Variants in ATP8B1 observed in about 807,000 individuals in gnomAD.
ATP8B1 encodes phospholipid-transporting ATPase IC.
In ATP8B1, 80 loss-of-function variants were observed where a neutral mutation model predicts 149.9. The observed-to-expected ratio is 0.53, with a 90% CI of 0.45 to 0.64. The LOEUF (loss-of-function observed/expected upper bound fraction) is 0.64, where lower values mean the gene tolerates loss of function less well. ATP8B1 is among the 30% of genes least tolerant of loss of function. The pLI is 0.00. For missense variants in ATP8B1, 1,247 were observed against 1,552.6 expected (o/e 0.80, Z 3.31); for synonymous variants, 536 against 562.8 (o/e 0.95, Z 0.67).
intron 2 of ATP8B1, among the ~76,000 whole-genome samples, chr18:57,719,498 C>T (rs750645372): frequency 2.6e-5 from 4 of 152,138 alleles, no homozygotes; most frequent in South Asian, 2.1e-4. Flanking sequence ...AAAGGGGTGA[C>T]GGACGCACCT....
At chr18:57,795,504 A>G (rs1336383681) in intron 1 of ATP8B1, among the ~76,000 whole-genome samples, 1 of 152,242 alleles carries the variant, frequency 6.6e-6, no homozygotes, top group Non-Finnish European at 1.5e-5. Context: ...GTATGTGCAT[A>G]CAATGGAATA....
intron 6 of ATP8B1, among the ~76,000 whole-genome samples, chr18:57,700,679 T>C (rs1245448928): frequency 2.6e-5 from 4 of 152,072 alleles, no homozygotes; most frequent in African/African-American, 9.7e-5. Flanking sequence ...TCCCAACACT[T>C]TGGGAGATCA....
intron 15 of ATP8B1, among the ~76,000 whole-genome samples, chr18:57,680,282 A>AAAAAAAAAAAAAAAAC (rs1911871116): frequency 1.4e-5 from 1 of 69,612 alleles, no homozygotes; most frequent in Non-Finnish European, 3.9e-5. Flanking sequence ...AGTCTCAAAA[A>AAAAAAAAAAAAAAAAC]AAAAAAAAAA....
chr18:57,696,710 C>G (rs1225993237), intron 8 of ATP8B1, among the ~76,000 whole-genome samples: 1 of 152,212 alleles, frequency 6.6e-6, no homozygotes, highest in Non-Finnish European at 1.5e-5. Context: ...TGTCCCGACT[C>G]TACCACTTAC....
intron 1 of ATP8B1, among the ~76,000 whole-genome samples, chr18:57,756,291 G>GTATATATATATATATATATATATATA (rs1250184376): frequency 3.7e-5 from 1 of 27,152 alleles, no homozygotes. Context: ...ATATATATGT[G>GTATATATATATATATATATATATATA]TGTGTGTATG....
At position 57,771,895 on chromosome 18, in the gene ATP8B1, T is replaced by G. The variant is rs140854174; in HGVS notation, c.-26+31103A>C. ...GGGAAAAAACCAGTTAGCTCTGCCT[T>G]TAGCTGTTCCCACCCCAATTTTCAC... On this transcript the variant is annotated intron_variant, in intron 1 of 27. Transcript: ENST00000648908. 1.8e-3 allele frequency among the ~76,000 whole-genome samples: 270 copies of G among 152,290 alleles called. 1 individual carries two copies. The highest frequency in any genetic ancestry group is 6.2e-3 in the African/African-American group (256 of 41,552).
At chr18:57,718,742 G>A (rs772678820) in intron 2 of ATP8B1, among the ~76,000 whole-genome samples, 7 of 152,164 alleles carry the variant, frequency 4.6e-5, no homozygotes, top group Non-Finnish European at 8.8e-5. Flanking sequence ...AATGTGATAT[G>A]TCATGTCAAC....
intron 3 of ATP8B1, among the ~76,000 whole-genome samples, chr18:57,705,492 G>C (rs1913345716): frequency 6.6e-6 from 1 of 152,232 alleles, no homozygotes; most frequent in South Asian, 2.1e-4. Flanking sequence ...GATTAGGACA[G>C]GCTCTAATTT....
At chr18:57,756,210 TACACACACACACACACACACAC>T (rs573321061) in intron 1 of ATP8B1, among the ~76,000 whole-genome samples, 3 of 109,032 alleles carry the variant, frequency 2.8e-5, no homozygotes, top group African/African-American at 1.2e-4. Context: ...TATATATATA[TACACACACACACACACACACAC>T]ACACATATAT....
In ATP8B1 at chr18:57,741,782, G is replaced by A. The variant is rs182604420; in HGVS notation, c.-25-9950C>T. On this transcript the variant is annotated intron_variant, in intron 1 of 27. Coordinates refer to ENST00000648908, the MANE Select transcript of ATP8B1 (RefSeq NM_001374385.1). ...TATTATTTCCAAGTTATTCCAAAGA[G>A]CCCCCATCTAAAAGGTAGCAGAAAT... Among the ~76,000 whole-genome samples, 3 of 152,234 alleles carry A rather than the reference G, an allele frequency of 2.0e-5. No homozygotes were observed. In the East Asian group the frequency reaches 5.8e-4, roughly 29 times the overall value.
intron 1 of ATP8B1, among the ~76,000 whole-genome samples, chr18:57,793,526 A>G (rs1357542145): frequency 6.6e-6 from 1 of 152,060 alleles, no homozygotes; most frequent in Non-Finnish European, 1.5e-5. Flanking sequence ...CCAAGAAATC[A>G]AAGCCAAAGT....
intron 15 of ATP8B1, among the ~76,000 whole-genome samples, chr18:57,679,459 G>T (rs1040109022): frequency 1.3e-5 from 2 of 151,960 alleles, no homozygotes; most frequent in African/African-American, 4.8e-5. Flanking sequence ...TTTATTTATG[G>T]CACATTTAGA....
chr18:57,693,579 G>C (rs1180294360), intron 11 of ATP8B1, among the ~76,000 whole-genome samples: 8 of 151,990 alleles, frequency 5.3e-5, no homozygotes, highest in Admixed American at 5.2e-4. Flanking sequence ...GTGGTGGCAG[G>C]TGCCTGTAAT....
intron 1 of ATP8B1, among the ~76,000 whole-genome samples, chr18:57,738,650 TA>T (rs2079882500): frequency 6.6e-6 from 1 of 151,588 alleles, no homozygotes; most frequent in Non-Finnish European, 1.5e-5. Flanking sequence ...TAAAATAAAA[TA>T]AAATAAAGCC....
chr18:57,678,725 T>C (rs1911756151), intron 15 of ATP8B1, among the ~76,000 whole-genome samples: 1 of 57,830 alleles, frequency 1.7e-5, no homozygotes, highest in Non-Finnish European at 4.0e-5. Context: ...GCTAACATGG[T>C]GAAACCCTGT....
rs758180192 is a variant in ATP8B1 at position 57,655,362 on chromosome 18, C to T, written c.2763G>A (p.Ser921=). The change falls in exon 23 of 28, where the codon TCG becomes TCA. Residue 921 remains serine, a synonymous_variant. Coordinates refer to ENST00000648908, the MANE Select transcript of ATP8B1 (RefSeq NM_001374385.1). ...SGQEGMQAVM[S]SDYSFAQFRY... The stretch of plus-strand genomic sequence containing the variant: ...GGAACTGAGCAAAGGAATAGTCACT[C>T]GACATGACAGCTTGCATTCCTTCTT... The T allele has an allele frequency of 1.7e-5, 28 of 1,614,186 alleles. No homozygotes were observed. In the Middle Eastern group the frequency reaches 4.9e-4, roughly 29 times the overall value.
intron 19 of ATP8B1, chr18:57,667,680 C>A: frequency 5.7e-6 from 1 of 174,956 alleles, no homozygotes; most frequent in Non-Finnish European, 1.2e-5. Flanking sequence ...TTTAGTAAAC[C>A]AATGTTCATT....
intron 11 of ATP8B1, 108 bp from the exon 12 acceptor site, chr18:57,692,105 A>G: frequency 6.7e-7 from 1 of 1,493,894 alleles, no homozygotes; most frequent in East Asian, 2.5e-5. Flanking sequence ...TTGAGAATTT[A>G]GTAGTCTGAA....
intron 1 of ATP8B1, among the ~76,000 whole-genome samples, chr18:57,798,020 A>T (rs929441702): frequency 2.0e-5 from 3 of 152,006 alleles, no homozygotes; most frequent in African/African-American, 7.2e-5. Flanking sequence ...CTGCTTTCTC[A>T]CCAAAGAAGA....
Sources: gnomAD v4.1 joint callset for allele counts (sites outside exome capture counted in the v4.1 genomes callset) on GRCh38, gnomAD v4.1.1 for gene constraint, MANE v1.5 for transcripts, NCBI Gene and HGNC (gene_info 2026-07-23, HGNC 2026-07-21) for gene names.